The following WSB2 variants were observed in gnomAD, a reference collection of about 807,000 sequenced individuals.
The protein encoded by WSB2 is WD repeat and SOCS box containing 2.
WSB2 carries 12 observed loss-of-function variants against 48.8 expected under a neutral mutation model. The observed-to-expected ratio is 0.25, with a 90% CI of 0.16 to 0.40. The LOEUF (loss-of-function observed/expected upper bound fraction) is 0.40, where lower values mean the gene tolerates loss of function less well. WSB2 is among the 10% of genes least tolerant of loss of function. The pLI is 1.00. For missense variants in WSB2, 317 were observed against 506.2 expected (o/e 0.63, Z 3.59); for synonymous variants, 191 against 203.1 (o/e 0.94, Z 0.51).
chr12:118,058,372 G>A (rs910709323), intron 1 of WSB2, among the ~76,000 whole-genome samples: 10 of 151,778 alleles, frequency 6.6e-5, no homozygotes, highest in African/African-American at 2.4e-4. Context: ...TTTTGAGACA[G>A]GGTCTTGCTC....
At chr12:118,053,098 C>T (rs2031886097) in intron 1 of WSB2, among the ~76,000 whole-genome samples, 1 of 152,122 alleles carries the variant, frequency 6.6e-6, no homozygotes. Flanking sequence ...TCTTCCTACC[C>T]CTAGAGATGC....
At chr12:118,061,711 T>G (rs2032071984), upstream of WSB2, among the ~76,000 whole-genome samples, 2 of 115,964 alleles carry the variant, frequency 1.7e-5, no homozygotes, top group East Asian at 2.7e-4. Flanking sequence ...TGAAGCGAAA[T>G]CGAGGGGAGG....
chr12:118,058,035 A>C (rs907843633), intron 1 of WSB2, among the ~76,000 whole-genome samples: 2 of 151,588 alleles, frequency 1.3e-5, no homozygotes, highest in Non-Finnish European at 2.9e-5. Context: ...GAGCCATTGC[A>C]CCTGGCCCTG....
chr12:118,036,511 C>G lies in WSB2; in HGVS notation c.661-1G>C. On this transcript the variant is annotated splice_acceptor_variant, in intron 5 of 8. Coordinates refer to ENST00000315436, the MANE Select transcript of WSB2 (RefSeq NM_018639.5). LOFTEE classifies it high-confidence loss of function. ...AGGACCTCATGCTCCATAGAAAGAC[C>G]TGTGGAAAGTAAGAAGTGCCTGGTT... 6.2e-7 allele frequency: 1 copy of G among 1,607,974 alleles called. No individual in the cohort carries two copies. Among genetic ancestry groups the G allele is most frequent in the Non-Finnish European group, 8.5e-7 (1 of 1,175,888 alleles).
intron 1 of WSB2, among the ~76,000 whole-genome samples, chr12:118,059,428 A>G (rs945362189): frequency 1.3e-5 from 2 of 152,192 alleles, no homozygotes; most frequent in Non-Finnish European, 2.9e-5. Flanking sequence ...CGTTCAACAA[A>G]TATTTGCTGA....
chr12:118,038,766 T>G (rs1310599184), intron 4 of WSB2, among the ~76,000 whole-genome samples: 3 of 152,132 alleles, frequency 2.0e-5, no homozygotes, highest in Admixed American at 2.0e-4. Flanking sequence ...CTGCAACCTC[T>G]GCCTCCCAAG....
intron 1 of WSB2, 63 bp from the exon 2 acceptor site, chr12:118,052,541 G>A: frequency 6.3e-7 from 1 of 1,599,690 alleles, no homozygotes; most frequent in Non-Finnish European, 8.5e-7. Flanking sequence ...CCCAGACACA[G>A]GAAAGCCACT....
chr12:118,055,025 AAAAAAG>A (rs1490417078), intron 1 of WSB2, among the ~76,000 whole-genome samples: 45 of 151,284 alleles, frequency 3.0e-4, no homozygotes, highest in African/African-American at 1.1e-3. Flanking sequence ...TAAAAAAAAA[AAAAAAG>A]AAAAAAGAAA....
chr12:118,042,820 T>C, intron 4 of WSB2, 21 bp downstream of exon 4: 1 of 1,609,314 alleles, frequency 6.2e-7, no homozygotes, highest in Non-Finnish European at 8.5e-7. Flanking sequence ...AGTTGCCGAG[T>C]AGTTCCTTCA....
intron 2 of WSB2, among the ~76,000 whole-genome samples, chr12:118,052,088 C>T (rs773991056): frequency 6.6e-6 from 1 of 152,176 alleles, no homozygotes; most frequent in Non-Finnish European, 1.5e-5. Context: ...ATATAAATTA[C>T]ATCTCAATAA....
intron 2 of WSB2, among the ~76,000 whole-genome samples, chr12:118,048,239 T>G (rs958605354): frequency 6.6e-6 from 1 of 150,506 alleles, no homozygotes; most frequent in African/African-American, 2.5e-5. Flanking sequence ...ATATAGCCTG[T>G]TTTTTTTCAA....
rs1269256733 is a variant in WSB2, at chr12:118,033,997, C to T, written c.*199G>A. 2.9e-6 allele frequency: 2 copies of T among 680,648 alleles called. No individual in the cohort carries two copies. The highest frequency in any genetic ancestry group is 5.9e-5 in the Admixed American group (2 of 33,934). 42.2% of individuals were successfully genotyped at this position (680,648 alleles called of 1,614,324 possible). On this transcript the variant is annotated 3_prime_UTR_variant, in exon 9 of 9. Coordinates refer to ENST00000315436, the MANE Select transcript of WSB2 (RefSeq NM_018639.5). ...TGTTGCCGTGCAAGTGGAATCTCTT[C>T]CTCTAAGACTGACTTTCACATGCCA...
upstream of WSB2, chr12:118,062,133 G>A (rs1028917031): frequency 4.1e-5 from 63 of 1,535,308 alleles, no homozygotes; most frequent in African/African-American, 8.5e-4. Flanking sequence ...CCGTCCCCCT[G>A]AGAAACCTGC....
chr12:118,036,209 A>G lies in WSB2; in HGVS notation c.833+129T>C. The G allele has an allele frequency of 1.3e-5, 14 of 1,112,970 alleles. No homozygotes were observed. The South Asian group carries it at 2.2e-4, about 18-fold the overall frequency. The allele number at this position is 1,112,970 out of a possible 1,614,324, so 68.9% of individuals were successfully genotyped here. A position where few individuals can be genotyped will look rare whatever the true frequency, so the allele number is the denominator to read the frequency against. On this transcript the variant is annotated intron_variant, in intron 6 of 8. Coordinates refer to ENST00000315436, the MANE Select transcript of WSB2 (RefSeq NM_018639.5). ...AGAGCGAGACTCCGTCTCAAAAGAG[A>G]CCCACTGTGCCTTTTTATCCAGCTT...
chr12:118,059,781 G>A (rs556363977), intron 1 of WSB2, among the ~76,000 whole-genome samples: 1 of 152,292 alleles, frequency 6.6e-6, no homozygotes, highest in African/African-American at 2.4e-5. Flanking sequence ...AGAATTCTAC[G>A]GGTAACACTC....
intron 2 of WSB2, among the ~76,000 whole-genome samples, chr12:118,046,622 G>C (rs2031752199): frequency 6.6e-6 from 1 of 152,212 alleles, no homozygotes; most frequent in Non-Finnish European, 1.5e-5. Context: ...AGACCTGCCT[G>C]GCTCTGGCCC....
At chr12:118,054,151 C>G (rs1238124219) in intron 1 of WSB2, among the ~76,000 whole-genome samples, 2 of 143,326 alleles carry the variant, frequency 1.4e-5, no homozygotes, top group African/African-American at 5.2e-5. Context: ...GCAGGCAGAT[C>G]ACTTGAGGAC....
intron 2 of WSB2, among the ~76,000 whole-genome samples, chr12:118,043,967 C>A (rs529170480): frequency 4.0e-5 from 6 of 149,974 alleles, no homozygotes; most frequent in African/African-American, 7.3e-5. Context: ...AAAAAAAAAA[C>A]AATTCGCCGG....
intron 5 of WSB2, 55 bp from the exon 6 acceptor site, chr12:118,036,565 A>G: frequency 3.9e-6 from 6 of 1,528,764 alleles, no homozygotes; most frequent in Admixed American, 2.0e-5. Flanking sequence ...TTAGGACTCA[A>G]ACGGAGGGAG....
Sources: allele counts gnomAD v4.1 joint callset (sites outside exome capture counted in the v4.1 genomes callset), GRCh38; gene constraint gnomAD v4.1.1; transcripts MANE v1.5; gene names NCBI Gene and HGNC (gene_info 2026-07-23, HGNC 2026-07-21).